TMTC2: variants seen among roughly 807,000 people sequenced by gnomAD.
TMTC2 encodes the protein protein O-mannosyl-transferase TMTC2.
In TMTC2, 43 loss-of-function variants were observed where a neutral mutation model predicts 82.4. That is an observed-to-expected ratio of 0.52 (90% CI 0.41 to 0.67). The LOEUF is 0.67. TMTC2 is among the 30% of genes least tolerant of loss of function. The pLI is 0.00. For synonymous variants in TMTC2, 408 were observed against 381.9 expected, an observed-to-expected ratio of 1.07 and a Z score of -0.80; for missense variants, 919 against 1,012.4, an observed-to-expected ratio of 0.91 and a Z score of 1.25.
chr12:83,075,820 C>T (rs61929897), intron 11 of TMTC2, among the ~76,000 whole-genome samples: 1 of 152,212 alleles, frequency 6.6e-6, no homozygotes, highest in Non-Finnish European at 1.5e-5. Flanking sequence ...AAATTATGTT[C>T]ATGCTGCAGT....
chr12:82,855,000 A>G (rs560647266), intron 1 of TMTC2, among the ~76,000 whole-genome samples: 6 of 152,336 alleles, frequency 3.9e-5, no homozygotes, highest in Middle Eastern at 6.8e-3. Context: ...GATCATTTGC[A>G]CTAGGGTGTC....
chr12:83,030,347 A>G (rs1447360995), intron 8 of TMTC2, among the ~76,000 whole-genome samples: 1 of 152,154 alleles, frequency 6.6e-6, no homozygotes, highest in Non-Finnish European at 1.5e-5. Flanking sequence ...ATGAAATATA[A>G]TGTTAGGTAT....
intron 3 of TMTC2, among the ~76,000 whole-genome samples, chr12:82,918,176 C>T (rs1471440584): frequency 4.0e-5 from 6 of 151,272 alleles, no homozygotes; most frequent in African/African-American, 4.9e-5. Context: ...TCCCAAAGTA[C>T]TAGATTATAG....
At chr12:83,116,195 T>A (rs1884756359) in intron 11 of TMTC2, among the ~76,000 whole-genome samples, 1 of 152,236 alleles carries the variant, frequency 6.6e-6, no homozygotes, top group Admixed American at 6.5e-5. Context: ...ATTCCTGAGT[T>A]ACTTCACTTA....
chr12:82,889,433 G>A (rs1454193074), intron 2 of TMTC2, among the ~76,000 whole-genome samples: 6 of 151,930 alleles, frequency 3.9e-5, no homozygotes, highest in Non-Finnish European at 7.4e-5. Context: ...TAAGCTTTTC[G>A]AATAAAGGGG....
chr12:82,965,125 G>A lies in TMTC2; in HGVS notation c.1684+16G>A, dbSNP rs201234820. The A allele has an allele frequency of 2.2e-4, 346 of 1,575,890 alleles. No individual in the cohort carries two copies. Among genetic ancestry groups the A allele is most frequent in the Admixed American group, 2.5e-4 (14 of 56,742 alleles). ...ACCCTGGCTTGTAAGTAATACTCAA[G>A]TGTTTATTTTTTTATACCTCTTTCC... On this transcript the variant is annotated intron_variant, in intron 5 of 11. Coordinates refer to ENST00000321196, the MANE Select transcript of TMTC2 (RefSeq NM_152588.3).
At chr12:82,991,294 C>G (rs981182825) in intron 8 of TMTC2, among the ~76,000 whole-genome samples, 2 of 151,876 alleles carry the variant, frequency 1.3e-5, no homozygotes, top group African/African-American at 2.4e-5. Context: ...GGAAAAATAA[C>G]TTGACTACCT....
At chr12:82,928,212 A>G (rs1473511714) in intron 3 of TMTC2, among the ~76,000 whole-genome samples, 1 of 152,166 alleles carries the variant, frequency 6.6e-6, no homozygotes, top group Non-Finnish European at 1.5e-5. Context: ...TACCATTATA[A>G]TGAGGATTTC....
At chr12:82,695,752 A>G (rs1168897613) in intron 1 of TMTC2, among the ~76,000 whole-genome samples, 1 of 152,188 alleles carries the variant, frequency 6.6e-6, no homozygotes, top group African/African-American at 2.4e-5. Context: ...GGTGGTGGCT[A>G]TAGAGATTAC....
chr12:82,932,913 A>C (rs1876120903), intron 4 of TMTC2, among the ~76,000 whole-genome samples: 1 of 152,158 alleles, frequency 6.6e-6, no homozygotes, highest in African/African-American at 2.4e-5. Context: ...AGAAAATTTC[A>C]CTTGACATGT....
intron 1 of TMTC2, among the ~76,000 whole-genome samples, chr12:82,738,171 G>T (rs1013556159): frequency 2.0e-4 from 30 of 152,272 alleles, no homozygotes; most frequent in African/African-American, 7.0e-4. Flanking sequence ...TCATTTGCAA[G>T]CTTGAAAAGG....
At position 82,896,024 on chromosome 12, in the gene TMTC2, A is replaced by G. The variant is rs1452879013; in HGVS notation, c.861A>G (p.Pro287=). 4 of 1,613,818 alleles carry G rather than the reference A, an allele frequency of 2.5e-6. No individual in the cohort carries two copies. The highest frequency in any genetic ancestry group is 1.3e-5 in the African/African-American group (1 of 74,832). ...AGAACCTCTGGCTGTTGCTATGTCC[A>G]GATACCCTCAGTTTTGATTGGTCAA... ...PTKNLWLLLC[P]DTLSFDWSMD... The change falls in exon 3 of 12, where the codon CCA becomes CCG. Residue 287 remains proline (P), a synonymous_variant. Transcript: ENST00000321196.
At chr12:83,131,802 T>A (rs193142034) in intron 11 of TMTC2, among the ~76,000 whole-genome samples, 1 of 152,352 alleles carries the variant, frequency 6.6e-6, no homozygotes, top group Non-Finnish European at 1.5e-5. Flanking sequence ...TGAATAGATA[T>A]GGATTTGTCA....
At chr12:82,982,875 C>G (rs572511746) in intron 7 of TMTC2, among the ~76,000 whole-genome samples, 7 of 152,114 alleles carry the variant, frequency 4.6e-5, no homozygotes, top group African/African-American at 1.7e-4. Context: ...GTTACATATT[C>G]ATGATTTTTG....
intron 4 of TMTC2, among the ~76,000 whole-genome samples, chr12:82,937,922 A>AT (rs57555732): frequency 0.11 from 14,496 of 130,438 alleles, 1,392 homozygotes; most frequent in African/African-American, 0.21. Flanking sequence ...TTTTTTTTTT[A>AT]TTTTTTTTTT....
intron 8 of TMTC2, among the ~76,000 whole-genome samples, chr12:83,001,415 G>T (rs773838605): frequency 1.3e-4 from 19 of 151,904 alleles, no homozygotes; most frequent in Non-Finnish European, 2.4e-4. Context: ...AGGTGGGTGG[G>T]TCACCTCAGG....
chr12:82,792,118 T>G, intron 1 of TMTC2, among the ~76,000 whole-genome samples: 1 of 151,288 alleles, frequency 6.6e-6, no homozygotes, highest in East Asian at 1.9e-4. Flanking sequence ...TTAAAATCTG[T>G]CGACTGTGGT....
rs974386585 is a variant in TMTC2, at chr12:82,832,951, C to G, written c.84-24059C>G. Among the ~76,000 whole-genome samples the G allele has an allele frequency of 4.6e-5, 7 of 152,282 alleles. No homozygotes were observed. In the South Asian group the frequency reaches 1.4e-3, roughly 32 times the overall value. ...TTTAATGTAAAACTTAGGCCATGCC[C>G]ATGGAAGGCACCATGCAAGAGATTT... is the stretch of plus-strand genomic sequence containing the variant. On this transcript the variant is annotated intron_variant, in intron 1 of 11. Transcript: ENST00000321196.
chr12:82,742,650 G>A (rs903665376), intron 1 of TMTC2, among the ~76,000 whole-genome samples: 1 of 151,920 alleles, frequency 6.6e-6, no homozygotes, highest in East Asian at 1.9e-4. Flanking sequence ...CTCCCTAGTA[G>A]CTGGGATTAT....
Sources: allele counts gnomAD v4.1 joint callset (sites outside exome capture counted in the v4.1 genomes callset), GRCh38; gene constraint gnomAD v4.1.1; transcripts MANE v1.5; gene names NCBI Gene and HGNC (gene_info 2026-07-23, HGNC 2026-07-21).